SLC25A26: variants seen among roughly 807,000 people sequenced by gnomAD.
The protein encoded by SLC25A26 is solute carrier family 25 member 26.
In SLC25A26, 36 loss-of-function variants were observed where a neutral mutation model predicts 37.8. The ratio of observed to expected loss-of-function variants is 0.95; its 90% confidence interval spans 0.73 to 1.26. The LOEUF is 1.26. SLC25A26 is among the 50% of genes most tolerant of loss of function. The pLI is 0.00. For missense variants in SLC25A26, 390 were observed against 331.1 expected, an observed-to-expected ratio of 1.18 and a Z score of -1.38; for synonymous variants, 129 against 122.5, an observed-to-expected ratio of 1.05 and a Z score of -0.35.
chr3:66,284,809 A>G (rs1173633786), intron 5 of SLC25A26, among the ~76,000 whole-genome samples: 3 of 152,230 alleles, frequency 2.0e-5, no homozygotes, highest in Non-Finnish European at 4.4e-5. Context: ...GATATCAAGA[A>G]AACACGGCGA....
intron 9 of SLC25A26, among the ~76,000 whole-genome samples, chr3:66,375,746 C>G (rs771988079): frequency 5.3e-5 from 8 of 152,078 alleles, no homozygotes; most frequent in Non-Finnish European, 1.2e-4. Context: ...CCTGGTCACC[C>G]TGGAGTTCTG....
At chr3:66,240,277 A>G (rs1163987872) in intron 2 of SLC25A26, among the ~76,000 whole-genome samples, 1 of 152,152 alleles carries the variant, frequency 6.6e-6, no homozygotes. Context: ...TTGTGCAGTT[A>G]TGATTTAACA....
chr3:66,280,048 T>C (rs958272126), intron 5 of SLC25A26, among the ~76,000 whole-genome samples: 1 of 152,242 alleles, frequency 6.6e-6, no homozygotes, highest in African/African-American at 2.4e-5. Flanking sequence ...AATTAGACTC[T>C]GCTGATTTAT....
At chr3:66,356,672 AG>A (rs1280391514) in intron 6 of SLC25A26, among the ~76,000 whole-genome samples, 1 of 152,202 alleles carries the variant, frequency 6.6e-6, no homozygotes, top group Non-Finnish European at 1.5e-5. Context: ...TCTGTCACCC[AG>A]GCTGGATTGC....
intron 1 of SLC25A26, among the ~76,000 whole-genome samples, chr3:66,138,808 A>G (rs4133218): frequency 0.44 from 66,621 of 151,868 alleles, 15,492 homozygotes; most frequent in African/African-American, 0.59. Context: ...GCCACCCATT[A>G]ATCTTGTACT....
At chr3:66,271,940 G>C (rs9854995) in intron 5 of SLC25A26, among the ~76,000 whole-genome samples, 1 of 151,724 alleles carries the variant, frequency 6.6e-6, no homozygotes, top group Non-Finnish European at 1.5e-5. Flanking sequence ...AAATTATTTG[G>C]TGGTCTCACT....
chr3:66,321,037 G>A (rs533631606), intron 5 of SLC25A26, among the ~76,000 whole-genome samples: 1 of 152,188 alleles, frequency 6.6e-6, no homozygotes, highest in African/African-American at 2.4e-5. Flanking sequence ...TGGGGGTGGA[G>A]GCCCCATGAT....
intron 3 of SLC25A26, among the ~76,000 whole-genome samples, chr3:66,253,071 G>A (rs1277039482): frequency 7.3e-6 from 1 of 136,854 alleles, no homozygotes; most frequent in Non-Finnish European, 1.5e-5. Flanking sequence ...CTCTGAATGT[G>A]TTTCTTCACA....
At chr3:66,236,862 G>A (rs568214573) in intron 2 of SLC25A26, 162 bp downstream of exon 2, 70 of 270,758 alleles carry the variant, frequency 2.6e-4, no homozygotes, top group Non-Finnish European at 3.0e-4. Flanking sequence ...TTTTAGTCAC[G>A]GTCTCACTTT....
At chr3:66,346,161 C>T (rs925365953) in intron 5 of SLC25A26, among the ~76,000 whole-genome samples, 7 of 152,058 alleles carry the variant, frequency 4.6e-5, no homozygotes, top group African/African-American at 9.7e-5. Context: ...AGTGACAGAG[C>T]GAGACTTCCT....
chr3:66,253,086 A>G (rs1280229075), intron 3 of SLC25A26, among the ~76,000 whole-genome samples: 1 of 140,002 alleles, frequency 7.1e-6, no homozygotes, highest in East Asian at 2.2e-4. Flanking sequence ...TTCACACGGG[A>G]AAGAGATTTG....
At chr3:66,269,921 C>T (rs1262710900) in intron 5 of SLC25A26, among the ~76,000 whole-genome samples, 1 of 152,102 alleles carries the variant, frequency 6.6e-6, no homozygotes, top group Non-Finnish European at 1.5e-5. Context: ...TGGGTTTTTA[C>T]CTCCTTGTAG....
chr3:66,180,714 G>A (rs1290557686), intron 1 of SLC25A26, among the ~76,000 whole-genome samples: 4 of 152,080 alleles, frequency 2.6e-5, no homozygotes, highest in East Asian at 1.9e-4. Flanking sequence ...CACTGGGGGC[G>A]GGGTGGGGGA....
chr3:66,149,530 C>T (rs1372031522), intron 1 of SLC25A26, among the ~76,000 whole-genome samples: 1 of 152,184 alleles, frequency 6.6e-6, no homozygotes, highest in Non-Finnish European at 1.5e-5. Context: ...CATGTGGAGG[C>T]TGAGGGTAAT....
At chr3:66,248,667 A>T (rs770945418) in intron 3 of SLC25A26, among the ~76,000 whole-genome samples, 9 of 152,218 alleles carry the variant, frequency 5.9e-5, no homozygotes, top group Non-Finnish European at 1.3e-4. Context: ...ATGTCCTCAT[A>T]CACTTAGATG....
intron 1 of SLC25A26, among the ~76,000 whole-genome samples, chr3:66,228,420 A>G (rs36137196): frequency 0.57 from 86,835 of 152,172 alleles, 27,424 homozygotes; most frequent in Middle Eastern, 0.83. Context: ...AAGTTGCTCT[A>G]AATATTAAAT....
chr3:66,299,056 G>A (rs540292636), intron 5 of SLC25A26, among the ~76,000 whole-genome samples: 1 of 152,264 alleles, frequency 6.6e-6, no homozygotes, highest in Non-Finnish European at 1.5e-5. Context: ...TTGTGTGTGT[G>A]TATGTGTGTG....
chr3:66,159,008 G>T (rs1308659291), intron 1 of SLC25A26, among the ~76,000 whole-genome samples: 2 of 152,136 alleles, frequency 1.3e-5, no homozygotes, highest in African/African-American at 4.8e-5. Flanking sequence ...GGACAGCATT[G>T]CCACATGCCC....
At chr3:66,309,470 T>G (rs1254903316) in intron 5 of SLC25A26, among the ~76,000 whole-genome samples, 1 of 152,142 alleles carries the variant, frequency 6.6e-6, no homozygotes, top group East Asian at 1.9e-4. Flanking sequence ...TTCATTGATT[T>G]TTTTTTTAAA....
Sources: gnomAD v4.1 joint callset for allele counts (sites outside exome capture counted in the v4.1 genomes callset) on GRCh38, gnomAD v4.1.1 for gene constraint, MANE v1.5 for transcripts, NCBI Gene and HGNC (gene_info 2026-07-23, HGNC 2026-07-21) for gene names.